Variants in DNM3 observed in about 807,000 individuals in gnomAD.
DNM3 encodes dynamin-3.
DNM3 carries 47 observed loss-of-function variants against 101.6 expected under a neutral mutation model. The observed-to-expected ratio is 0.46, with a 90% CI of 0.37 to 0.59. The LOEUF is 0.59. DNM3 is among the 20% of genes least tolerant of loss of function. The probability of loss-of-function intolerance (pLI) is 0.00; values close to 1 mark genes in which losing one functional copy is unlikely to be tolerated. For synonymous variants in DNM3, 385 were observed against 387.9 expected, an observed-to-expected ratio of 0.99 and a Z score of 0.09; for missense variants, 849 against 1,085.7, an observed-to-expected ratio of 0.78 and a Z score of 3.06.
chr1:172,108,022 G>T (rs2055189676), intron 13 of DNM3, among the ~76,000 whole-genome samples: 1 of 151,598 alleles, frequency 6.6e-6, no homozygotes, highest in Non-Finnish European at 1.5e-5. Flanking sequence ...TTAACCTTCT[G>T]GTCTCCATTC....
chr1:172,385,287 C>G (rs891888499), intron 18 of DNM3, among the ~76,000 whole-genome samples: 2 of 152,194 alleles, frequency 1.3e-5, no homozygotes, highest in African/African-American at 4.8e-5. Flanking sequence ...TCAATGTTAG[C>G]CAGATTAATT....
At chr1:171,937,692 C>A (rs757922541) in intron 2 of DNM3, among the ~76,000 whole-genome samples, 2 of 152,184 alleles carry the variant, frequency 1.3e-5, no homozygotes, top group African/African-American at 2.4e-5. Context: ...ACCTCAGACT[C>A]CAGAGTAGCT....
chr1:172,418,460 A>G, exon 21 of DNM3: 1 of 596,632 alleles, frequency 1.7e-6, no homozygotes, highest in Non-Finnish European at 2.3e-6. Flanking sequence ...TTTATTCTAT[A>G]TAAAAATGAA....
chr1:172,323,940 A>C (rs1573471185), intron 17 of DNM3, among the ~76,000 whole-genome samples: 1 of 152,162 alleles, frequency 6.6e-6, no homozygotes, highest in South Asian at 2.1e-4. Flanking sequence ...GGGGTGGCCA[A>C]AATGTGTATG....
chr1:172,009,380 C>G (rs1277404539), intron 4 of DNM3, among the ~76,000 whole-genome samples: 1 of 150,830 alleles, frequency 6.6e-6, no homozygotes, highest in Non-Finnish European at 1.5e-5. Context: ...ATCAGCTAGT[C>G]AGTTTCTGCA....
At chr1:171,988,848 C>A (rs1441711613) in intron 3 of DNM3, 97 bp from the exon 4 acceptor site, 4 of 1,114,702 alleles carry the variant, frequency 3.6e-6, no homozygotes, top group African/African-American at 1.6e-5. Context: ...TGTTCAGATA[C>A]ACAAAGTAGA....
intron 1 of DNM3, among the ~76,000 whole-genome samples, chr1:171,906,420 G>T (rs145306760): frequency 6.6e-6 from 1 of 151,270 alleles, no homozygotes; most frequent in Admixed American, 6.6e-5. Context: ...GAGCCACCAC[G>T]CCCTACCAAC....
At chr1:172,234,663 A>G (rs972055195) in intron 14 of DNM3, among the ~76,000 whole-genome samples, 2 of 152,174 alleles carry the variant, frequency 1.3e-5, no homozygotes, top group African/African-American at 2.4e-5. Flanking sequence ...CCAAAACAGC[A>G]TGGTACTGGT....
chr1:171,875,264 G>A (rs1306435722), intron 1 of DNM3, among the ~76,000 whole-genome samples: 8 of 152,166 alleles, frequency 5.3e-5, no homozygotes, highest in Admixed American at 4.6e-4. Flanking sequence ...CACAGTGGCT[G>A]AACTAATTTA....
At chr1:172,131,352 T>G in intron 14 of DNM3, 64 bp downstream of exon 14, 1 of 1,393,048 alleles carries the variant, frequency 7.2e-7, no homozygotes. Flanking sequence ...TTAACTGATA[T>G]TATTATACTA....
At position 172,408,833 on chromosome 1, in the gene DNM3, T is replaced by C; in HGVS notation, c.*992T>C. ...ACCCTTGAAACAGGCTCAGTGTAAC[T>C]GTATATCCATTCTAGGCTTTCTTAA... On this transcript the variant is annotated 3_prime_UTR_variant, in exon 21 of 21. Transcript: ENST00000627582. 2 of 985,238 alleles carry C rather than the reference T, an allele frequency of 2.0e-6. No individual in the cohort carries two copies. Among genetic ancestry groups the C allele is most frequent in the Non-Finnish European group, 2.4e-6 (2 of 829,790 alleles). The allele number at this position is 985,238 out of a possible 1,614,324, so 61.0% of individuals were successfully genotyped here. A position where few individuals can be genotyped will look rare whatever the true frequency, so the allele number is the denominator to read the frequency against.
At position 172,131,303 on chromosome 1, in the gene DNM3, G is replaced by T; in HGVS notation, c.1659+15G>T. ...AAGATGATGAGGTAAGTCACAGAGAGTGATAAAGTTTTCTTGTTAAAGTAT... is the reference window on the plus strand; with the variant it reads ...AAGATGATGAGGTAAGTCACAGAGATTGATAAAGTTTTCTTGTTAAAGTAT... On this transcript the variant is annotated intron_variant, in intron 14 of 20. Transcript: ENST00000627582. The T allele has an allele frequency of 1.2e-6, 2 of 1,605,332 alleles. No homozygotes were observed. Among genetic ancestry groups the T allele is most frequent in the Non-Finnish European group, 1.7e-6 (2 of 1,172,918 alleles).
chr1:171,912,489 A>G (rs1212296388), intron 1 of DNM3, among the ~76,000 whole-genome samples: 1 of 152,138 alleles, frequency 6.6e-6, no homozygotes, highest in Non-Finnish European at 1.5e-5. Flanking sequence ...CCAGTGACCT[A>G]TAATGTCATC....
At chr1:172,216,921 T>C (rs774591910) in intron 14 of DNM3, among the ~76,000 whole-genome samples, 3 of 152,156 alleles carry the variant, frequency 2.0e-5, no homozygotes, top group Non-Finnish European at 4.4e-5. Flanking sequence ...ATATTTACTA[T>C]CATAATGGAT....
At chr1:171,911,803 A>G (rs1370027260) in intron 1 of DNM3, among the ~76,000 whole-genome samples, 3 of 152,078 alleles carry the variant, frequency 2.0e-5, no homozygotes, top group African/African-American at 7.2e-5. Flanking sequence ...GTCAGCGGGT[A>G]AGTGTTCTCT....
At chr1:172,313,743 G>A (rs2065180087) in intron 16 of DNM3, among the ~76,000 whole-genome samples, 2 of 151,948 alleles carry the variant, frequency 1.3e-5, no homozygotes, top group South Asian at 2.1e-4. Context: ...CTTCAACTGG[G>A]TGAATGTGTT....
intron 14 of DNM3, chr1:172,133,186 G>C: frequency 1.6e-6 from 2 of 1,276,554 alleles, no homozygotes; most frequent in Non-Finnish European, 2.0e-6. Context: ...GGCTCTGTGA[G>C]TCCTGAAAAT....
At chr1:171,847,886 CTCTCTCTCTCTGTGTG>C (rs1217442142) in intron 1 of DNM3, among the ~76,000 whole-genome samples, 14 of 50,940 alleles carry the variant, frequency 2.7e-4, no homozygotes, top group African/African-American at 7.6e-4. Context: ...ATTACTCTCT[CTCTCTCTCTCTGTGTG>C]TGTGTGTGTG....
chr1:172,314,441 T>A (rs913149886), intron 16 of DNM3, among the ~76,000 whole-genome samples: 18 of 152,292 alleles, frequency 1.2e-4, no homozygotes, highest in African/African-American at 4.3e-4. Context: ...AGGCATTGCC[T>A]CACTCAGGAA....
Sources: gnomAD v4.1 joint callset for allele counts (sites outside exome capture counted in the v4.1 genomes callset) on GRCh38, gnomAD v4.1.1 for gene constraint, MANE v1.5 for transcripts, NCBI Gene and HGNC (gene_info 2026-07-23, HGNC 2026-07-21) for gene names.